CCDC141: variants seen among roughly 807,000 people sequenced by gnomAD.
The protein encoded by CCDC141 is coiled-coil domain-containing protein 141.
Under a neutral mutation model 181.0 loss-of-function variants are expected in CCDC141, and 168 were observed. The ratio of observed to expected loss-of-function variants is 0.93; its 90% CI spans 0.82 to 1.05. CCDC141 has a LOEUF of 1.05. Among genes scored for constraint, CCDC141 ranks in the 50% least tolerant of loss-of-function variants. The pLI is 0.00. For synonymous variants in CCDC141, 666 were observed against 642.3 expected (o/e 1.04, Z -0.56); for missense variants, 1,902 against 1,788.5 (o/e 1.06, Z -1.14).
chr2:178,885,227 C>T (rs1426683287), intron 10 of CCDC141, 135 bp from the exon 11 acceptor site: 52 of 453,120 alleles, frequency 1.1e-4, no homozygotes, highest in Middle Eastern at 5.9e-4. Context: ...TAAAGAAAGA[C>T]ACAACTTCCA....
intron 2 of CCDC141, among the ~76,000 whole-genome samples, chr2:178,982,219 G>A (rs572447519): frequency 2.6e-5 from 4 of 152,214 alleles, no homozygotes; most frequent in Non-Finnish European, 5.9e-5. Context: ...AATGTTTAAA[G>A]AAGAAATGAT....
At chr2:178,922,869 T>C (rs1029186812) in intron 6 of CCDC141, among the ~76,000 whole-genome samples, 10 of 152,212 alleles carry the variant, frequency 6.6e-5, no homozygotes, top group Non-Finnish European at 1.0e-4. Flanking sequence ...TTGTGGCTCT[T>C]ATCTTTTTTT....
chr2:178,926,966 G>C (rs553514151), intron 6 of CCDC141, among the ~76,000 whole-genome samples: 104 of 152,108 alleles, frequency 6.8e-4, no homozygotes, highest in South Asian at 8.3e-4. Context: ...AATATGATCA[G>C]GTTTTTCTTT....
intron 2 of CCDC141, among the ~76,000 whole-genome samples, chr2:179,028,286 T>C (rs1463507478): frequency 1.3e-5 from 2 of 152,228 alleles, no homozygotes; most frequent in East Asian, 1.9e-4. Flanking sequence ...TCATAGCAAA[T>C]GAACTCTTCA....
intron 16 of CCDC141, among the ~76,000 whole-genome samples, chr2:178,867,366 AAGAT>A (rs767877319): frequency 1.2e-4 from 18 of 152,342 alleles, no homozygotes; most frequent in South Asian, 6.2e-4. Flanking sequence ...ATCAAATAAA[AAGAT>A]AGAGCAAAAT....
At chr2:178,932,394 A>G (rs1689134968) in intron 6 of CCDC141, among the ~76,000 whole-genome samples, 1 of 152,194 alleles carries the variant, frequency 6.6e-6, no homozygotes, top group African/African-American at 2.4e-5. Context: ...GCCATGCTGT[A>G]TACTGCCTGG....
chr2:178,975,977 T>C (rs1691104592), intron 3 of CCDC141, among the ~76,000 whole-genome samples: 1 of 152,196 alleles, frequency 6.6e-6, no homozygotes, highest in Non-Finnish European at 1.5e-5. Context: ...GGAAAATGCA[T>C]AGTAATTTCA....
chr2:178,973,417 T>G (rs1690986019), intron 4 of CCDC141, among the ~76,000 whole-genome samples: 1 of 152,196 alleles, frequency 6.6e-6, no homozygotes, highest in South Asian at 2.1e-4. Flanking sequence ...ACTAGCATTT[T>G]TATCCATCTC....
intron 2 of CCDC141, among the ~76,000 whole-genome samples, chr2:178,986,839 C>T (rs868257945): frequency 0.015 from 2,320 of 150,950 alleles, 50 homozygotes; most frequent in African/African-American, 0.053. Flanking sequence ...AATGGAAGAA[C>T]ATTCCATGCT....
intron 5 of CCDC141, among the ~76,000 whole-genome samples, chr2:178,952,123 C>A (rs999874564): frequency 6.6e-6 from 1 of 152,194 alleles, no homozygotes; most frequent in Non-Finnish European, 1.5e-5. Flanking sequence ...TTTGAGTAAA[C>A]TAGACTGGAT....
At chr2:179,037,278 C>T (rs949948085) in intron 2 of CCDC141, among the ~76,000 whole-genome samples, 11 of 152,162 alleles carry the variant, frequency 7.2e-5, no homozygotes, top group African/African-American at 2.7e-4. Flanking sequence ...AAACATCTTC[C>T]CTAACACTTC....
At chr2:178,822,494 A>T in the CCDC141 span, among the ~76,000 whole-genome samples, 1 of 152,156 alleles carries the variant, frequency 6.6e-6, no homozygotes, top group Non-Finnish European at 1.5e-5. Context: ...GGAGTAATAC[A>T]GAATACTCCA....
the CCDC141 span, among the ~76,000 whole-genome samples, chr2:178,819,539 T>G: frequency 6.6e-6 from 1 of 152,240 alleles, no homozygotes; most frequent in African/African-American, 2.4e-5. Context: ...CACCAGTGTG[T>G]AATCTTGACC....
At chr2:178,928,494 A>T (rs1404009283) in intron 6 of CCDC141, among the ~76,000 whole-genome samples, 1 of 152,200 alleles carries the variant, frequency 6.6e-6, no homozygotes, top group African/African-American at 2.4e-5. Context: ...CATGCAATAT[A>T]ATAGTATTAA....
intron 2 of CCDC141, among the ~76,000 whole-genome samples, chr2:178,984,304 T>C (rs1031637293): frequency 6.7e-6 from 1 of 148,600 alleles, no homozygotes; most frequent in Non-Finnish European, 1.5e-5. Flanking sequence ...CTAAAAGAGC[T>C]CCTGAAGGAA....
At chr2:178,930,396 G>C (rs1336534852) in intron 6 of CCDC141, among the ~76,000 whole-genome samples, 1 of 152,076 alleles carries the variant, frequency 6.6e-6, no homozygotes, top group African/African-American at 2.4e-5. Flanking sequence ...GTACTGTAGG[G>C]ATACAATGCA....
intron 11 of CCDC141, among the ~76,000 whole-genome samples, chr2:178,879,751 G>A (rs1328130149): frequency 1.3e-5 from 2 of 152,198 alleles, no homozygotes; most frequent in African/African-American, 2.4e-5. Flanking sequence ...AGGAAGTGAC[G>A]TTTGATCTGT....
chr2:178,839,375 T>C (rs1684622288), intron 22 of CCDC141, among the ~76,000 whole-genome samples: 1 of 149,680 alleles, frequency 6.7e-6, no homozygotes, highest in Admixed American at 6.7e-5. Flanking sequence ...ATTGCACCAC[T>C]GCACTCCATC....
At chr2:179,026,241 G>C (rs1318904827) in intron 2 of CCDC141, among the ~76,000 whole-genome samples, 1 of 152,170 alleles carries the variant, frequency 6.6e-6, no homozygotes, top group Non-Finnish European at 1.5e-5. Flanking sequence ...CAAGCCCAGA[G>C]GCCTAGGAGG....
Sources: allele counts gnomAD v4.1 joint callset (sites outside exome capture counted in the v4.1 genomes callset), GRCh38; gene constraint gnomAD v4.1.1; transcripts MANE v1.5; gene names NCBI Gene and HGNC (gene_info 2026-07-23, HGNC 2026-07-21).